The following CCDC91 variants were observed in gnomAD, a reference collection of about 807,000 sequenced individuals.
CCDC91 encodes the protein coiled-coil domain-containing protein 91.
CCDC91 carries 48 observed loss-of-function variants against 63.2 expected under a neutral mutation model. The observed-to-expected ratio is 0.76, with a 90% CI of 0.60 to 0.97. The LOEUF is 0.97. Ranked by LOEUF, CCDC91 falls within the 50% of genes least tolerant of loss-of-function variation. CCDC91 has a pLI of 0.00. For synonymous variants in CCDC91, 167 were observed against 165.8 expected, an observed-to-expected ratio of 1.01 and a Z score of -0.06; for missense variants, 500 against 494.6, an observed-to-expected ratio of 1.01 and a Z score of -0.10.
chr12:28,505,723 A>G (rs1233762446), intron 12 of CCDC91, among the ~76,000 whole-genome samples: 2 of 151,998 alleles, frequency 1.3e-5, no homozygotes, highest in African/African-American at 4.8e-5. Flanking sequence ...GCCAAAAATA[A>G]TGAAAGCTTC....
intron 8 of CCDC91, chr12:28,412,875 A>G (rs1592597908): frequency 2.3e-6 from 1 of 432,074 alleles, no homozygotes; most frequent in South Asian, 1.6e-5. Flanking sequence ...AAGTTCCCCA[A>G]CTCCCTACTC....
chr12:28,194,943 A>G (rs1210209307), intron 1 of CCDC91, among the ~76,000 whole-genome samples: 3 of 152,186 alleles, frequency 2.0e-5, no homozygotes, highest in Non-Finnish European at 4.4e-5. Context: ...GCTCATAAAG[A>G]TAGTGCGGAC....
At chr12:28,342,729 C>A (rs1380718140) in intron 6 of CCDC91, among the ~76,000 whole-genome samples, 2 of 151,844 alleles carry the variant, frequency 1.3e-5, no homozygotes, top group Non-Finnish European at 2.9e-5. Context: ...TTAGATGGAA[C>A]AAAGTTCTTG....
chr12:28,258,260 A>G lies in CCDC91; in HGVS notation c.30+1015A>G, dbSNP rs147951892. On this transcript the variant is annotated intron_variant, in intron 2 of 12. Coordinates refer to ENST00000536442, the MANE Select transcript of CCDC91 (RefSeq NM_018318.5). ...CTTATTTATGTTACTGAAATGTAAC[A>G]TTTATTTTTGTTAAAATGCCTTCCA... 6.8e-3 allele frequency among the ~76,000 whole-genome samples: 1,031 copies of G among 152,106 alleles called. 16 individuals carry two copies. Among genetic ancestry groups the G allele is most frequent in the African/African-American group, 0.024 (998 of 41,530 alleles).
chr12:28,501,920 C>T (rs1937937692), intron 12 of CCDC91, among the ~76,000 whole-genome samples: 1 of 151,788 alleles, frequency 6.6e-6, no homozygotes. Context: ...CAACTTCTTC[C>T]TGGTTTAGTC....
At chr12:28,389,769 A>G (rs115718199) in intron 7 of CCDC91, among the ~76,000 whole-genome samples, 110 of 152,224 alleles carry the variant, frequency 7.2e-4, no homozygotes, top group African/African-American at 2.6e-3. Flanking sequence ...CCCTAAATAG[A>G]ATGACATTTT....
At chr12:28,246,276 C>T (rs1417700944) in intron 1 of CCDC91, among the ~76,000 whole-genome samples, 3 of 152,038 alleles carry the variant, frequency 2.0e-5, no homozygotes, top group Non-Finnish European at 2.9e-5. Context: ...GATTGTGAGT[C>T]CAGATAAGCA....
intron 7 of CCDC91, among the ~76,000 whole-genome samples, chr12:28,390,789 G>T (rs1202411093): frequency 1.3e-5 from 2 of 152,092 alleles, no homozygotes; most frequent in African/African-American, 2.4e-5. Flanking sequence ...AATGTTTGAA[G>T]TTGCTCAGAG....
At chr12:28,484,462 G>T (rs530055911) in intron 12 of CCDC91, among the ~76,000 whole-genome samples, 1 of 152,106 alleles carries the variant, frequency 6.6e-6, no homozygotes, top group South Asian at 2.1e-4. Flanking sequence ...TACATTTTTA[G>T]TCTTTTGCCA....
chr12:28,461,229 A>G (rs1310086280), intron 11 of CCDC91, among the ~76,000 whole-genome samples: 2 of 152,132 alleles, frequency 1.3e-5, no homozygotes, highest in Admixed American at 6.6e-5. Flanking sequence ...AACTGAAACT[A>G]TGAAATCACA....
At chr12:28,214,658 A>C (rs1270451221) in intron 1 of CCDC91, among the ~76,000 whole-genome samples, 1 of 152,146 alleles carries the variant, frequency 6.6e-6, no homozygotes, top group Non-Finnish European at 1.5e-5. Context: ...GACTATATAT[A>C]ATAGTATTTA....
At chr12:28,396,136 A>G (rs1228309550) in intron 8 of CCDC91, among the ~76,000 whole-genome samples, 1 of 152,210 alleles carries the variant, frequency 6.6e-6, no homozygotes, top group Non-Finnish European at 1.5e-5. Flanking sequence ...GACTTATAGG[A>G]CTAATGATGA....
rs114661280 is a variant in CCDC91 at position 28,241,024 on chromosome 12, C to A, written c.-14-16178C>A. ...TTCAAACCACAAATGTTTGAAAGAG[C>A]CACTTTCTCCACATCCTTGCCAGCA... On this transcript the variant is annotated intron_variant, in intron 1 of 12. Transcript: ENST00000536442. Among the ~76,000 whole-genome samples the A allele has an allele frequency of 7.0e-3, 1,070 of 152,216 alleles. 12 individuals are homozygous for A. Among genetic ancestry groups the A allele is most frequent in the African/African-American group, 0.024 (1,017 of 41,532 alleles).
intron 12 of CCDC91, among the ~76,000 whole-genome samples, chr12:28,507,973 A>G (rs1390847232): frequency 6.6e-6 from 1 of 151,872 alleles, no homozygotes; most frequent in Non-Finnish European, 1.5e-5. Flanking sequence ...TTTTGTACCC[A>G]TACACTGACC....
chr12:28,530,122 T>C (rs1941610560), intron 12 of CCDC91, among the ~76,000 whole-genome samples: 1 of 152,194 alleles, frequency 6.6e-6, no homozygotes, highest in Non-Finnish European at 1.5e-5. Context: ...CCCTTTAATA[T>C]GGGGCTGAAC....
At chr12:28,410,121 G>A (rs1947226042) in intron 8 of CCDC91, among the ~76,000 whole-genome samples, 1 of 152,166 alleles carries the variant, frequency 6.6e-6, no homozygotes, top group Non-Finnish European at 1.5e-5. Context: ...TGAGAGGCAA[G>A]TGTTGAAATC....
chr12:28,344,004 A>G (rs781760583), intron 6 of CCDC91, among the ~76,000 whole-genome samples: 1 of 152,176 alleles, frequency 6.6e-6, no homozygotes, highest in Admixed American at 6.5e-5. Flanking sequence ...CATATTTTAT[A>G]AGTCACAAAT....
At chr12:28,404,840 T>G (rs1946836358) in intron 8 of CCDC91, among the ~76,000 whole-genome samples, 1 of 152,050 alleles carries the variant, frequency 6.6e-6, no homozygotes, top group South Asian at 2.1e-4. Flanking sequence ...CCATAATACC[T>G]CTGTCTTTAT....
intron 1 of CCDC91, among the ~76,000 whole-genome samples, chr12:28,229,507 G>A (rs1401817607): frequency 1.3e-5 from 2 of 152,160 alleles, no homozygotes; most frequent in African/African-American, 2.4e-5. Flanking sequence ...ATACGAATCA[G>A]AAGAAATAGC....
Sources: gnomAD v4.1 joint callset for allele counts (sites outside exome capture counted in the v4.1 genomes callset) on GRCh38, gnomAD v4.1.1 for gene constraint, MANE v1.5 for transcripts, NCBI Gene and HGNC (gene_info 2026-07-23, HGNC 2026-07-21) for gene names.